SIPA1L3: variants seen among roughly 807,000 people sequenced by gnomAD.
SIPA1L3 encodes the protein signal induced proliferation associated 1 like 3.
Under a neutral mutation model 150.1 loss-of-function variants are expected in SIPA1L3, and 59 were observed. The observed-to-expected ratio is 0.39, with a 90% CI of 0.32 to 0.49. SIPA1L3 has a LOEUF of 0.49. SIPA1L3 is among the 20% of genes least tolerant of loss of function. The probability of loss-of-function intolerance (pLI) is 0.86; values close to 1 mark genes in which losing one functional copy is unlikely to be tolerated. For missense variants in SIPA1L3, 2,211 were observed against 2,489.5 expected (o/e 0.89, Z 2.38); for synonymous variants, 1,070 against 1,077.6 (o/e 0.99, Z 0.14).
chr19:38,006,247 C>T (rs957812827), intron 1 of SIPA1L3, among the ~76,000 whole-genome samples: 1 of 151,926 alleles, frequency 6.6e-6, no homozygotes, highest in Non-Finnish European at 1.5e-5. Context: ...TGGGGTAGAG[C>T]CAGTCTCGAA....
At chr19:37,942,517 G>A (rs2046668760) in intron 1 of SIPA1L3, among the ~76,000 whole-genome samples, 1 of 144,922 alleles carries the variant, frequency 6.9e-6, no homozygotes, top group African/African-American at 2.6e-5. Flanking sequence ...AAGGAGTGTG[G>A]GGTGGGGGTG....
intron 1 of SIPA1L3, among the ~76,000 whole-genome samples, chr19:37,980,096 C>T (rs757803737): frequency 1.3e-5 from 2 of 152,206 alleles, no homozygotes; most frequent in Non-Finnish European, 2.9e-5. Context: ...TTCCTTGACC[C>T]TCTCCCCATC....
chr19:38,187,394 G>A (rs1399470433), intron 16 of SIPA1L3, among the ~76,000 whole-genome samples: 2 of 151,752 alleles, frequency 1.3e-5, no homozygotes, highest in Non-Finnish European at 2.9e-5. Context: ...AGAGGTTGCA[G>A]TGAGACAAGA....
chr19:37,945,617 T>C (rs757883154), intron 1 of SIPA1L3, among the ~76,000 whole-genome samples: 66 of 152,280 alleles, frequency 4.3e-4, no homozygotes, highest in Non-Finnish European at 6.3e-4. Flanking sequence ...GTCCTGCAGA[T>C]TACACTTGAG....
chr19:37,947,722 G>C (rs76713987), intron 1 of SIPA1L3, among the ~76,000 whole-genome samples: 1 of 152,144 alleles, frequency 6.6e-6, no homozygotes, highest in Non-Finnish European at 1.5e-5. Context: ...CGTTTCTTGC[G>C]TGACATTTCA....
chr19:38,093,625 C>CCA (rs1970312772), intron 4 of SIPA1L3, among the ~76,000 whole-genome samples: 2 of 152,006 alleles, frequency 1.3e-5, no homozygotes, highest in South Asian at 4.2e-4. Context: ...CTTCTCATAT[C>CCA]CACACACACA....
At position 38,141,255 on chromosome 19, in the gene SIPA1L3, G is replaced by A. The variant is rs866640000; in HGVS notation, c.3215G>A (p.Gly1072Asp). 6 of 1,613,658 alleles carry A rather than the reference G, an allele frequency of 3.7e-6. No homozygotes were observed. In the East Asian group the frequency reaches 1.3e-4, roughly 36 times the overall value. The change falls in exon 11 of 22, where the codon GGC becomes GAC. Residue 1072 changes from glycine (G) to aspartate (D), a missense_variant. Physicochemically the swap from Gly to Asp is moderately conservative, Grantham distance 94. Around this residue, in one of 5 missense-constraint regions of SIPA1L3, gnomAD observed 806 missense variants for 870.1 expected, o/e 0.93. Transcript: ENST00000222345. ...GAGCAGGAAAGCATCACTCCTGGGG[G>A]CCGGCCCCCCTACCGCAGCAATGCT... is the stretch of plus-strand genomic sequence containing the variant. The part of the protein sequence containing the change: ...KTEQESITPG[G>D]RPPYRSNAPW...
rs1322747859 is a variant in SIPA1L3, at chr19:38,187,578, G to A, written c.4431-4567G>A. 2.0e-5 allele frequency among the ~76,000 whole-genome samples: 3 copies of A among 151,404 alleles called. No homozygotes were observed. The East Asian group carries it at 5.8e-4, about 29-fold the overall frequency. On this transcript the variant is annotated intron_variant, in intron 16 of 21. Transcript: ENST00000222345. ...TAAAAATACAAAAAATTAGCCGGGCGAGGTGGCGGGCGCCTGTAGTCCCAG... is the reference window on the plus strand; with the variant it reads ...TAAAAATACAAAAAATTAGCCGGGCAAGGTGGCGGGCGCCTGTAGTCCCAG...
chr19:38,177,751 C>T (rs190771366), intron 15 of SIPA1L3, among the ~76,000 whole-genome samples: 7 of 152,108 alleles, frequency 4.6e-5, no homozygotes, highest in African/African-American at 9.7e-5. Context: ...TGCGGCAGGG[C>T]GCAGTGGCTC....
At chr19:37,911,863 G>A (rs1440843265) in intron 1 of SIPA1L3, among the ~76,000 whole-genome samples, 1 of 151,776 alleles carries the variant, frequency 6.6e-6, no homozygotes, top group Non-Finnish European at 1.5e-5. Flanking sequence ...TGGCTCAGGA[G>A]ATCGAGACCA....
At chr19:38,131,473 C>A (rs1042853963) in intron 10 of SIPA1L3, among the ~76,000 whole-genome samples, 1 of 152,046 alleles carries the variant, frequency 6.6e-6, no homozygotes, top group Admixed American at 6.6e-5. Context: ...GTGGCTGGAG[C>A]AGAGCGAGCA....
At chr19:38,150,827 C>T (rs766004819) in intron 12 of SIPA1L3, among the ~76,000 whole-genome samples, 3 of 152,186 alleles carry the variant, frequency 2.0e-5, no homozygotes, top group Non-Finnish European at 2.9e-5. Context: ...AGGCGTGAGC[C>T]ACCACACCTG....
chr19:38,094,821 C>A (rs967705378), intron 4 of SIPA1L3, among the ~76,000 whole-genome samples: 2 of 152,092 alleles, frequency 1.3e-5, no homozygotes, highest in African/African-American at 4.8e-5. Flanking sequence ...AATCCCAGCA[C>A]TTTTGGAGGC....
rs140466833 is a variant in SIPA1L3 at position 38,081,974 on chromosome 19, G to A, written c.409G>A (p.Ala137Thr). 1.2e-4 allele frequency: 200 copies of A among 1,614,088 alleles called. No individual in the cohort carries two copies. The highest frequency in any genetic ancestry group is 1.6e-4 in the Non-Finnish European group (191 of 1,180,040). The change falls in exon 3 of 22, where the codon GCC becomes ACC. Residue 137 changes from alanine to threonine, a missense_variant. Physicochemically the swap from Ala to Thr is moderately conservative, Grantham distance 58. This residue lies in a region of SIPA1L3 where 587 missense variants were observed against 534.5 expected (regional missense o/e 1.10). Coordinates refer to ENST00000222345, the MANE Select transcript of SIPA1L3 (RefSeq NM_015073.3). ...TSTPASSGSK[A>T]FHRLSRRRSK... ...CACCCCGGCTTCCTCAGGGTCCAAAGCCTTCCACCGACTCTCCAGGAGAAG... is the reference window on the plus strand; with the variant it reads ...CACCCCGGCTTCCTCAGGGTCCAAAACCTTCCACCGACTCTCCAGGAGAAG...
At chr19:38,045,947 G>A (rs1969047238) in intron 2 of SIPA1L3, among the ~76,000 whole-genome samples, 1 of 152,112 alleles carries the variant, frequency 6.6e-6, no homozygotes, top group Non-Finnish European at 1.5e-5. Context: ...GGGGAGAAGT[G>A]ATACAACTTC....
chr19:38,127,507 T>G (rs1030557158), intron 9 of SIPA1L3, among the ~76,000 whole-genome samples: 1 of 152,172 alleles, frequency 6.6e-6, no homozygotes, highest in East Asian at 1.9e-4. Context: ...AACTTTAATT[T>G]TTAAAGACAA....
At chr19:37,947,025 C>T (rs2046717866) in intron 1 of SIPA1L3, among the ~76,000 whole-genome samples, 1 of 151,820 alleles carries the variant, frequency 6.6e-6, no homozygotes. Flanking sequence ...GAGACCCCAC[C>T]TCTACAAAAA....
At chr19:37,999,962 G>A (rs1967743212) in intron 1 of SIPA1L3, among the ~76,000 whole-genome samples, 1 of 152,168 alleles carries the variant, frequency 6.6e-6, no homozygotes, top group South Asian at 2.1e-4. Context: ...ACTAACACTT[G>A]TGACCTTGAG....
intron 10 of SIPA1L3, among the ~76,000 whole-genome samples, chr19:38,133,774 C>T (rs1248402781): frequency 1.3e-5 from 2 of 152,130 alleles, no homozygotes; most frequent in African/African-American, 4.8e-5. Context: ...ATTTGTAAAA[C>T]AAGGACAATA....
Sources: gnomAD v4.1 joint callset for allele counts (sites outside exome capture counted in the v4.1 genomes callset) on GRCh38, gnomAD v4.1.1 for gene constraint, gnomAD v4.1.1 regional missense constraint, MANE v1.5 for transcripts, NCBI Gene and HGNC (gene_info 2026-07-23, HGNC 2026-07-21) for gene names.